The following CR1 variants were observed in gnomAD, a reference collection of about 807,000 sequenced individuals.
CR1 encodes complement C3b/C4b receptor 1 (Knops blood group).
Under a neutral mutation model 187.3 loss-of-function variants are expected in CR1, and 116 were observed. The ratio of observed to expected loss-of-function variants is 0.62; its 90% CI spans 0.53 to 0.72. CR1 has a LOEUF of 0.72. Ranked by LOEUF, CR1 falls within the 30% of genes least tolerant of loss-of-function variation. The pLI, the probability that CR1 is intolerant of heterozygous loss-of-function variation, is 0.00. For missense variants in CR1, 1,731 were observed against 2,110.7 expected, an observed-to-expected ratio of 0.82 and a Z score of 3.52; for synonymous variants, 576 against 747.1, an observed-to-expected ratio of 0.77 and a Z score of 3.73.
chr1:207,627,371 T>C (rs1662514843), intron 45 of CR1, among the ~76,000 whole-genome samples: 1 of 152,238 alleles, frequency 6.6e-6, no homozygotes, highest in African/African-American at 2.4e-5. Flanking sequence ...AAACTGTCCC[T>C]GGGACAAAGA....
intron 29 of CR1, among the ~76,000 whole-genome samples, chr1:207,578,714 G>T (rs1558243527): frequency 1.3e-5 from 2 of 152,240 alleles, no homozygotes. Context: ...CCCAGAGTCT[G>T]AATGTTTTGG....
chr1:207,585,596 C>T (rs1251817734), intron 33 of CR1, among the ~76,000 whole-genome samples: 1 of 152,194 alleles, frequency 6.6e-6, no homozygotes, highest in Non-Finnish European at 1.5e-5. Context: ...GGATGTGGCA[C>T]CAGCCTTGGA....
intron 35 of CR1, among the ~76,000 whole-genome samples, chr1:207,595,518 A>C (rs927423762): frequency 2.0e-5 from 3 of 152,140 alleles, no homozygotes; most frequent in Non-Finnish European, 4.4e-5. Flanking sequence ...CTTAGCACCA[A>C]GCTTCCGTTC....
chr1:207,496,261 G>C lies in CR1; in HGVS notation c.-7G>C, dbSNP rs757493323. The stretch of plus-strand genomic sequence containing the variant: ...TCAAATCTGGTTTGTAGATGTGCTT[G>C]GGGAGAATGGGGGCCTCTTCTCCAA... On this transcript the variant is annotated 5_prime_UTR_variant, in exon 1 of 47. Transcript: ENST00000367049. The C allele has an allele frequency of 6.2e-7, 1 of 1,613,668 alleles. No individual in the cohort carries two copies.
intron 46 of CR1, among the ~76,000 whole-genome samples, chr1:207,633,973 GC>G (rs891356190): frequency 2.6e-5 from 4 of 152,272 alleles, no homozygotes; most frequent in African/African-American, 7.2e-5. Flanking sequence ...CAGTGGGGGA[GC>G]TTTTTGAGCC....
At chr1:207,573,471 C>G (rs1471405179) in intron 27 of CR1, among the ~76,000 whole-genome samples, 2 of 151,802 alleles carry the variant, frequency 1.3e-5, no homozygotes, top group Non-Finnish European at 2.9e-5. Context: ...AAGTGAGGAA[C>G]CTCTCTATGG....
intron 33 of CR1, among the ~76,000 whole-genome samples, chr1:207,585,789 A>G (rs1661096096): frequency 6.6e-6 from 1 of 152,178 alleles, no homozygotes; most frequent in Non-Finnish European, 1.5e-5. Context: ...TAATGAACAG[A>G]TGGAGGAAGC....
chr1:207,619,357 T>G (rs1454290755), intron 42 of CR1, among the ~76,000 whole-genome samples: 2 of 130,964 alleles, frequency 1.5e-5, no homozygotes, highest in East Asian at 4.3e-4. Flanking sequence ...CACTCCTGCC[T>G]GGGTGACACA....
Position 207,641,429 on chromosome 1 carries a change from C to G in CR1, c.*2020C>G, listed in dbSNP as rs2102428863. 6.6e-6 allele frequency: 1 copy of G among 152,284 alleles called. No homozygotes were observed. The highest frequency in any genetic ancestry group is 6.5e-5 in the Admixed American group (1 of 15,304). The allele number at this position is 152,284 out of a possible 1,614,324, so 9.4% of individuals were successfully genotyped here. ...CTATCTAGGCTTACTGCAACCTCAC[C>G]TGTCACTTTTTAATTGCAAGAAAGC... is the stretch of plus-strand genomic sequence containing the variant. On this transcript the variant is annotated 3_prime_UTR_variant, in exon 47 of 47. Transcript: ENST00000367049.
Position 207,511,617 on chromosome 1 carries a change from T to C in CR1, c.450T>C (p.Asp150=). 5 of 1,613,416 alleles carry C rather than the reference T, an allele frequency of 3.1e-6. No homozygotes were observed. In the South Asian group the frequency reaches 3.3e-5, roughly 11 times the overall value. Residue 150 remains aspartate (D), a synonymous_variant, in exon 4 of 47, where the codon GAT becomes GAC. Coordinates refer to ENST00000367049, the MANE Select transcript of CR1 (RefSeq NM_000651.6). ...CTGCCACATGCATCATCTCAGGTGATACTGTCATTTGGGATAATGAAACAC... is the reference window on the plus strand; with the variant it reads ...CTGCCACATGCATCATCTCAGGTGACACTGTCATTTGGGATAATGAAACAC... The part of the protein sequence containing the change: ...SSSATCIISG[D]TVIWDNETPI...
At chr1:207,622,541 A>C (rs529023657) in intron 44 of CR1, among the ~76,000 whole-genome samples, 4 of 152,376 alleles carry the variant, frequency 2.6e-5, no homozygotes, top group Admixed American at 2.6e-4. Context: ...GTCCAAGACC[A>C]CAGAATGGGG....
chr1:207,523,903 A>G lies in CR1; in HGVS notation c.780A>G (p.Glu260=). 2 of 1,610,336 alleles carry G rather than the reference A, an allele frequency of 1.2e-6. No individual in the cohort carries two copies. The highest frequency in any genetic ancestry group is 1.7e-6 in the Non-Finnish European group (2 of 1,178,632). ...SDNRSLFSLN[E]VVEFRCQPGF... Reference sequence around the variant, plus strand: ...ACAGAAGCTTATTTTCCTTAAATGAAGTTGTGGAGTTTAGGTGTCAGCCTG... The same window carrying G: ...ACAGAAGCTTATTTTCCTTAAATGAGGTTGTGGAGTTTAGGTGTCAGCCTG... Residue 260 remains glutamate (E), a synonymous_variant, in exon 5 of 47, where the codon GAA becomes GAG. Coordinates refer to ENST00000367049, the MANE Select transcript of CR1 (RefSeq NM_000651.6).
rs767319586 is a variant in CR1, at chr1:207,611,796, G to A, written c.6415G>A (p.Ala2139Thr). 27 of 1,614,028 alleles carry A rather than the reference G, an allele frequency of 1.7e-5. No homozygotes were observed. The highest frequency in any genetic ancestry group is 2.3e-5 in the Non-Finnish European group (27 of 1,179,900). The part of the protein sequence containing the change: ...CEPSYDLRGA[A>T]SLHCTPQGDW... ...GCCCAGCTATGACCTCAGAGGGGCT[G>A]CGTCTCTGCACTGCACGCCCCAGGG... Residue 2139 changes from alanine (A) to threonine (T), a missense_variant, in exon 38 of 47, where the codon GCG (alanine) becomes ACG (threonine). Coordinates refer to ENST00000367049, the MANE Select transcript of CR1 (RefSeq NM_000651.6).
chr1:207,600,502 T>C (rs934751985), intron 35 of CR1: 1 of 152,140 alleles, frequency 6.6e-6, no homozygotes, highest in African/African-American at 2.4e-5. Context: ...TATTTTCTCA[T>C]CGCAATACAC....
At chr1:207,579,193 T>A (rs1390110371) in intron 29 of CR1, among the ~76,000 whole-genome samples, 1 of 152,236 alleles carries the variant, frequency 6.6e-6, no homozygotes, top group Non-Finnish European at 1.5e-5. Flanking sequence ...GACAAAGGAC[T>A]GTCTTATTTA....
At chr1:207,630,687 C>G (rs760479652) in intron 46 of CR1, 66 bp downstream of exon 46, 42 of 1,157,640 alleles carry the variant, frequency 3.6e-5, no homozygotes, top group Non-Finnish European at 4.6e-5. Flanking sequence ...GGAAACAGGA[C>G]TTGAATATGA....
chr1:207,591,912 G>A lies in CR1; in HGVS notation c.5810+3138G>A, dbSNP rs558146084. On this transcript the variant is annotated intron_variant, in intron 35 of 46. Transcript: ENST00000367049. Reference sequence around the variant, plus strand: ...TAAAACAGGAAGAAGTCGAATCCCTGAATAGGCCAAAAACAAGTTCTGAAA... The same window carrying A: ...TAAAACAGGAAGAAGTCGAATCCCTAAATAGGCCAAAAACAAGTTCTGAAA... 5.7e-4 allele frequency among the ~76,000 whole-genome samples: 87 copies of A among 152,228 alleles called. No homozygotes were observed. The Middle Eastern group carries it at 0.01, about 18-fold the overall frequency.
chr1:207,510,112 C>A (rs1572995251), intron 3 of CR1, among the ~76,000 whole-genome samples: 1 of 152,070 alleles, frequency 6.6e-6, no homozygotes, highest in East Asian at 1.9e-4. Context: ...GAGGCTGAGG[C>A]AGGAGAATCT....
Position 207,637,343 on chromosome 1 carries a change from C to T in CR1, c.7458-2054C>T, listed in dbSNP as rs900316584. On this transcript the variant is annotated intron_variant, in intron 46 of 46. Coordinates refer to ENST00000367049, the MANE Select transcript of CR1 (RefSeq NM_000651.6). ...CGAGGTGCCCAATCTATAATAGTTC[C>T]GAATTCACTGTTTTGTAATATCACC... 2.6e-5 allele frequency among the ~76,000 whole-genome samples: 4 copies of T among 152,144 alleles called. No individual in the cohort carries two copies. In the South Asian group the frequency reaches 6.3e-4, roughly 24 times the overall value.
Sources: allele counts gnomAD v4.1 joint callset (sites outside exome capture counted in the v4.1 genomes callset), GRCh38; gene constraint gnomAD v4.1.1; transcripts MANE v1.5; gene names NCBI Gene and HGNC (gene_info 2026-07-23, HGNC 2026-07-21).